The following TMEM178B variants were observed in gnomAD, a reference collection of about 807,000 sequenced individuals.
The protein encoded by TMEM178B is transmembrane protein 178B.
In TMEM178B, 5 loss-of-function variants were observed where a neutral mutation model predicts 31.0. The observed-to-expected ratio is 0.16, with a 90% CI of 0.08 to 0.34. TMEM178B has a LOEUF of 0.34. Ranked by LOEUF, TMEM178B falls within the 10% of genes least tolerant of loss-of-function variation. The pLI, the probability that TMEM178B is intolerant of heterozygous loss-of-function variation, is 1.00. For synonymous variants in TMEM178B, 164 were observed against 164.0 expected, an observed-to-expected ratio of 1.00 and a Z score of 0.00; for missense variants, 275 against 400.3, an observed-to-expected ratio of 0.69 and a Z score of 2.67.
downstream of TMEM178B, among the ~76,000 whole-genome samples, chr7:141,484,289 C>T (rs115619442): frequency 0.013 from 1,909 of 152,204 alleles, 48 homozygotes; most frequent in African/African-American, 0.044. The surrounding 1 kb of genome is among the most constrained non-coding windows in gnomAD (Gnocchi z 4.8). Context: ...AATACTCATT[C>T]CCTCTGCAGA....
At chr7:141,306,824 CATAA>C (rs1340311163) in intron 2 of TMEM178B, among the ~76,000 whole-genome samples, 2 of 152,100 alleles carry the variant, frequency 1.3e-5, no homozygotes, top group Non-Finnish European at 2.9e-5. Flanking sequence ...GCCTTCAAGC[CATAA>C]ATAAACTCCC....
chr7:141,079,526 T>C (rs888945767), intron 1 of TMEM178B, among the ~76,000 whole-genome samples: 2 of 152,224 alleles, frequency 1.3e-5, no homozygotes, highest in Non-Finnish European at 1.5e-5. Context: ...TAAATTTAAG[T>C]ATATCATTCT....
intron 2 of TMEM178B, among the ~76,000 whole-genome samples, chr7:141,224,826 C>T (rs748522962): frequency 6.6e-6 from 1 of 152,142 alleles, no homozygotes; most frequent in African/African-American, 2.4e-5. Flanking sequence ...CGTCCTAGAG[C>T]GACCCTTCAA....
chr7:141,187,107 A>T (rs1796622480), intron 1 of TMEM178B, among the ~76,000 whole-genome samples: 1 of 93,390 alleles, frequency 1.1e-5, no homozygotes, highest in African/African-American at 4.3e-5. Context: ...CCACCCCACA[A>T]CAGTCCCTGG....
intron 2 of TMEM178B, among the ~76,000 whole-genome samples, chr7:141,340,318 G>A (rs1380483519): frequency 2.6e-5 from 4 of 152,174 alleles, no homozygotes; most frequent in Admixed American, 1.3e-4. Context: ...ATCGGTTTGT[G>A]TTGTAAGCCA....
intron 2 of TMEM178B, among the ~76,000 whole-genome samples, chr7:141,257,196 T>G (rs745969674): frequency 2.0e-5 from 3 of 152,230 alleles, no homozygotes; most frequent in Admixed American, 1.3e-4. Context: ...AAAGACGAAG[T>G]GCTCAACTCT....
chr7:141,489,981 A>G, the TMEM178B span, among the ~76,000 whole-genome samples: 1 of 152,206 alleles, frequency 6.6e-6, no homozygotes. Context: ...AGGGGTTGCT[A>G]CAAGTGTTAG....
intron 1 of TMEM178B, among the ~76,000 whole-genome samples, chr7:141,188,314 T>C (rs1796644855): frequency 6.6e-6 from 1 of 152,200 alleles, no homozygotes; most frequent in African/African-American, 2.4e-5. Flanking sequence ...ATCCAAAATC[T>C]GAAGACACTC....
intron 1 of TMEM178B, among the ~76,000 whole-genome samples, chr7:141,118,011 A>G (rs1027079027): frequency 1.3e-5 from 2 of 152,142 alleles, no homozygotes; most frequent in African/African-American, 2.4e-5. Context: ...GTGGAGTAAA[A>G]TATTTGTGAA....
intron 2 of TMEM178B, among the ~76,000 whole-genome samples, chr7:141,424,981 A>G (rs1801287197): frequency 1.3e-5 from 2 of 152,210 alleles, no homozygotes; most frequent in South Asian, 4.1e-4. Context: ...ACACCTTCCC[A>G]GAGCTGCCTG....
At chr7:141,274,973 G>A (rs911746060) in intron 2 of TMEM178B, among the ~76,000 whole-genome samples, 10 of 152,174 alleles carry the variant, frequency 6.6e-5, no homozygotes, top group Non-Finnish European at 1.0e-4. Context: ...CCTAAAAACC[G>A]AAGATTTAAG....
intron 2 of TMEM178B, among the ~76,000 whole-genome samples, chr7:141,235,819 A>G (rs529433133): frequency 6.6e-6 from 1 of 152,336 alleles, no homozygotes; most frequent in East Asian, 1.9e-4. Flanking sequence ...GGCCTCGGAT[A>G]CAGTGAATAA....
chr7:141,174,351 C>T lies in TMEM178B; in HGVS notation c.383-38240C>T, dbSNP rs534285130. On this transcript the variant is annotated intron_variant, in intron 1 of 3. Transcript: ENST00000565468. ...TGTATATGTGCCACATTTTCTTAATCTAGTCTGTCATTGATGGGCATTTGG... is the reference window on the plus strand; with the variant it reads ...TGTATATGTGCCACATTTTCTTAATTTAGTCTGTCATTGATGGGCATTTGG... Among the ~76,000 whole-genome samples, 26 of 152,240 alleles carry T rather than the reference C, an allele frequency of 1.7e-4. No individual in the cohort carries two copies. In the South Asian group the frequency reaches 5.2e-3, roughly 30 times the overall value.
chr7:141,219,045 C>G (rs1196983488), intron 2 of TMEM178B, among the ~76,000 whole-genome samples: 3 of 152,226 alleles, frequency 2.0e-5, no homozygotes, highest in Non-Finnish European at 4.4e-5. Context: ...TGGGATGAAA[C>G]TAACAGTAAT....
intron 2 of TMEM178B, among the ~76,000 whole-genome samples, chr7:141,242,989 T>C (rs1438316708): frequency 1.3e-5 from 2 of 151,346 alleles, no homozygotes; most frequent in East Asian, 3.9e-4. Flanking sequence ...CATCTGATTT[T>C]CTTCTTGAAC....
intron 2 of TMEM178B, among the ~76,000 whole-genome samples, chr7:141,324,780 A>T (rs189193965): frequency 4.6e-5 from 7 of 152,126 alleles, no homozygotes; most frequent in African/African-American, 1.7e-4. Context: ...TTTAGCCATA[A>T]ATCTGTTCAT....
chr7:141,375,562 G>A (rs73169542), intron 2 of TMEM178B, among the ~76,000 whole-genome samples: 5 of 152,280 alleles, frequency 3.3e-5, no homozygotes, highest in East Asian at 3.9e-4. Flanking sequence ...GTAGGTAATC[G>A]TTGTGTTCCA....
intron 2 of TMEM178B, among the ~76,000 whole-genome samples, chr7:141,367,583 C>A (rs1800032151): frequency 6.6e-6 from 1 of 152,132 alleles, no homozygotes; most frequent in South Asian, 2.1e-4. Flanking sequence ...ACCCTTTGAG[C>A]TCCTGTTAGG....
chr7:141,290,927 G>T (rs4726446), intron 2 of TMEM178B, among the ~76,000 whole-genome samples: 58,301 of 152,038 alleles, frequency 0.38, 12,077 homozygotes, highest in Admixed American at 0.48. Context: ...GAAATAAAGT[G>T]GTTACTCACT....
Sources: allele counts gnomAD v4.1 joint callset (sites outside exome capture counted in the v4.1 genomes callset), GRCh38; gene constraint gnomAD v4.1.1; non-coding constraint Gnocchi (gnomAD v3.1); transcripts MANE v1.5; gene names NCBI Gene and HGNC (gene_info 2026-07-23, HGNC 2026-07-21).